Variants in GSPT1 observed in about 807,000 individuals in gnomAD.
GSPT1 encodes eukaryotic peptide chain release factor GTP-binding subunit ERF3A.
In GSPT1, 20 loss-of-function variants were observed where a neutral mutation model predicts 72.5. The ratio of observed to expected loss-of-function variants is 0.28; its 90% CI spans 0.19 to 0.40. GSPT1 has a LOEUF of 0.40. GSPT1 is among the 10% of genes least tolerant of loss of function. GSPT1 has a pLI of 1.00. For missense variants in GSPT1, 580 were observed against 811.9 expected, an observed-to-expected ratio of 0.71 and a Z score of 3.47; for synonymous variants, 334 against 293.5, an observed-to-expected ratio of 1.14 and a Z score of -1.41.
intron 3 of GSPT1, 64 bp downstream of exon 3, chr16:11,897,776 C>T: frequency 1.2e-6 from 1 of 806,018 alleles, no homozygotes; most frequent in South Asian, 1.5e-5. Flanking sequence ...ACATAATGCA[C>T]CTTAAATCTT....
chr16:11,904,232 C>G, intron 1 of GSPT1: 1 of 154,038 alleles, frequency 6.5e-6, no homozygotes. Context: ...TATTTTGAGT[C>G]TTGCTCTGTT....
chr16:11,896,329 T>C (rs912852485), intron 4 of GSPT1, among the ~76,000 whole-genome samples: 1 of 152,244 alleles, frequency 6.6e-6, no homozygotes, highest in Non-Finnish European at 1.5e-5. Context: ...ACGTACAATA[T>C]ACTGAAGTTT....
At chr16:11,887,772 G>T (rs895793158) in intron 6 of GSPT1, 22 bp from the exon 7 acceptor site, 1 of 1,516,532 alleles carries the variant, frequency 6.6e-7, no homozygotes, top group East Asian at 2.3e-5. Flanking sequence ...TTTAAAAAAA[G>T]AACAATATTC....
intron 1 of GSPT1, among the ~76,000 whole-genome samples, chr16:11,911,468 C>T (rs1257005027): frequency 2.0e-5 from 3 of 152,248 alleles, no homozygotes; most frequent in African/African-American, 7.2e-5. Context: ...TCACTGCAGC[C>T]TCCAGCTCCT....
At chr16:11,914,937 G>A (rs1239725355) in intron 1 of GSPT1, 1 of 1,081,176 alleles carries the variant, frequency 9.2e-7, no homozygotes. Context: ...TAAGGTGAAA[G>A]GAAAACTCGG....
At chr16:11,889,599 C>A (rs1012806246) in intron 6 of GSPT1, among the ~76,000 whole-genome samples, 3 of 151,766 alleles carry the variant, frequency 2.0e-5, no homozygotes, top group African/African-American at 7.3e-5. Flanking sequence ...CCTCCGCCTC[C>A]CAGGTTCAAG....
intron 5 of GSPT1, 83 bp downstream of exon 5, chr16:11,894,871 T>C (rs2054314633): frequency 1.2e-6 from 1 of 825,736 alleles, no homozygotes; most frequent in East Asian, 2.7e-5. Context: ...TTATCTCCTT[T>C]GTGTGACTGT....
chr16:11,908,258 A>C (rs2054512329), intron 1 of GSPT1: 1 of 152,138 alleles, frequency 6.6e-6, no homozygotes. Flanking sequence ...AAAAAGAAAC[A>C]AAAAACCATT....
chr16:11,910,222 C>A (rs560204373), intron 1 of GSPT1, among the ~76,000 whole-genome samples: 4 of 152,170 alleles, frequency 2.6e-5, no homozygotes, highest in African/African-American at 4.8e-5. Context: ...GAACAGTGAG[C>A]AGATAATAGA....
intron 1 of GSPT1, among the ~76,000 whole-genome samples, chr16:11,901,952 C>T (rs547909448): frequency 4.0e-5 from 6 of 151,746 alleles, no homozygotes; most frequent in African/African-American, 9.7e-5. Context: ...AAAAATTTGC[C>T]GGGCACGGTG....
chr16:11,908,046 A>T (rs941277603), intron 1 of GSPT1, among the ~76,000 whole-genome samples: 3 of 151,510 alleles, frequency 2.0e-5, no homozygotes, highest in African/African-American at 7.3e-5. Context: ...GTGCGAGACC[A>T]GCCTGGCCAG....
At chr16:11,886,716 C>T (rs901983091) in intron 8 of GSPT1, 61 bp downstream of exon 8, 13 of 1,560,740 alleles carry the variant, frequency 8.3e-6, no homozygotes, top group Middle Eastern at 1.7e-4. Context: ...GAGAAAAAGT[C>T]GTACAATAAC....
intron 1 of GSPT1, among the ~76,000 whole-genome samples, chr16:11,914,781 T>C (rs2054607139): frequency 6.6e-6 from 1 of 152,210 alleles, no homozygotes; most frequent in Admixed American, 6.5e-5. Flanking sequence ...CAGATCTTGG[T>C]ATTGATAGCC....
rs1382121844 is a variant in GSPT1, at chr16:11,877,117, G to C, written c.1602+290C>G. On this transcript the variant is annotated intron_variant, in intron 12 of 14. Coordinates refer to ENST00000434724, the MANE Select transcript of GSPT1 (RefSeq NM_002094.4). This position sits in a 1 kb window ranked among gnomAD's most constrained non-coding sequence, Gnocchi z 4.0. ...ATGACTTCCACAGTAACTGTGCTCT[G>C]GTCAAAGTGAATATTAGATACTGTA... 6.6e-6 allele frequency among the ~76,000 whole-genome samples: 1 copy of C among 152,132 alleles called. No homozygotes were observed. Among genetic ancestry groups the C allele is most frequent in the African/African-American group, 2.4e-5 (1 of 41,428 alleles).
chr16:11,875,404 G>A (rs961470561), intron 14 of GSPT1, among the ~76,000 whole-genome samples: 2 of 151,666 alleles, frequency 1.3e-5, no homozygotes, highest in African/African-American at 4.8e-5. Flanking sequence ...TTAGACCTCT[G>A]AAAAATTAGG....
intron 6 of GSPT1, among the ~76,000 whole-genome samples, chr16:11,888,835 C>T (rs367779616): frequency 8.5e-5 from 13 of 152,294 alleles, no homozygotes; most frequent in African/African-American, 3.1e-4. Context: ...TTTATATAAA[C>T]GCAGTCAATT....
chr16:11,887,479 G>A lies in GSPT1; in HGVS notation c.957+91C>T. 5.7e-6 allele frequency: 6 copies of A among 1,044,242 alleles called. No homozygotes were observed. In the South Asian group the frequency reaches 8.6e-5, roughly 15 times the overall value. 64.7% of individuals were successfully genotyped at this position (1,044,242 alleles called of 1,614,324 possible). A position where few individuals can be genotyped will look rare whatever the true frequency, so the allele number is the denominator to read the frequency against. ...ACATCATTATATTTCACTGCAACCT[G>A]AATTTGAGCTTTTAGAAGATAAATT... On this transcript the variant is annotated intron_variant, in intron 7 of 14. Coordinates refer to ENST00000434724, the MANE Select transcript of GSPT1 (RefSeq NM_002094.4).
Position 11,884,763 on chromosome 16 carries a change from C to CAA in GSPT1, c.1347+416_1347+417dup, listed in dbSNP as rs35794680. On this transcript the variant is annotated intron_variant, in intron 10 of 14. Coordinates refer to ENST00000434724, the MANE Select transcript of GSPT1 (RefSeq NM_002094.4). ...TGGGTGACAGAGTGAGACTCCGTCT[C>CAA]AAAAAAAAAAAAAAAAAAGAAGGCC... Among the ~76,000 whole-genome samples, 391 of 94,650 alleles carry CAA rather than the reference C, an allele frequency of 4.1e-3. 2 individuals are homozygous for CAA. The highest frequency in any genetic ancestry group is 0.01 in the South Asian group (31 of 2,978). The allele number at this position is 94,650 out of a possible 152,430, so 62.1% of individuals were successfully genotyped here.
chr16:11,891,430 C>T (rs1467072105), intron 5 of GSPT1, among the ~76,000 whole-genome samples: 2 of 150,340 alleles, frequency 1.3e-5, no homozygotes, highest in East Asian at 1.9e-4. Flanking sequence ...GGCACAATCT[C>T]GGCTCACTGC....
Sources: allele counts gnomAD v4.1 joint callset (sites outside exome capture counted in the v4.1 genomes callset), GRCh38; gene constraint gnomAD v4.1.1; non-coding constraint Gnocchi (gnomAD v3.1); transcripts MANE v1.5; gene names NCBI Gene and HGNC (gene_info 2026-07-23, HGNC 2026-07-21).